The following KIR3DL2 variants were observed in gnomAD, a reference collection of about 807,000 sequenced individuals.
The protein encoded by KIR3DL2 is killer cell immunoglobulin like receptor, three Ig domains and long cytoplasmic tail 2, also known as killer cell immunoglobulin-like receptor 3DL2.
Under a neutral mutation model 41.6 loss-of-function variants are expected in KIR3DL2, and 42 were observed. The observed-to-expected ratio is 1.01, with a 90% CI of 0.79 to 1.31. The LOEUF is 1.31. KIR3DL2 is among the 50% of genes most tolerant of loss of function. The pLI is 0.00. For synonymous variants in KIR3DL2, 230 were observed against 221.3 expected, an observed-to-expected ratio of 1.04 and a Z score of -0.35; for missense variants, 728 against 576.8, an observed-to-expected ratio of 1.26 and a Z score of -2.68.
chr19:54,852,362 C>T, intron 3 of KIR3DL2, 80 bp downstream of exon 3: 9 of 1,557,594 alleles, frequency 5.8e-6, no homozygotes, highest in Non-Finnish European at 7.8e-6. Context: ...CCATCAGGGT[C>T]CCATCACCCA....
rs758625134 is a variant in KIR3DL2, at chr19:54,866,569, T to A, written c.1206T>A (p.Asp402Glu). ...DPQEVTYAQLDHCVFIQRKIS... is the reference protein window; with the variant it reads ...DPQEVTYAQLEHCVFIQRKIS... ...AGGAGGTGACGTACGCACAGTTGGATCACTGCGTTTTCATACAGAGAAAAA... is the reference window on the plus strand; with the variant it reads ...AGGAGGTGACGTACGCACAGTTGGAACACTGCGTTTTCATACAGAGAAAAA... The change falls in exon 9 of 9, where the codon GAT becomes GAA. Residue 402 changes from aspartate (D) to glutamate (E), a missense_variant. Transcript: ENST00000326321. The A allele has an allele frequency of 1.2e-6, 2 of 1,614,054 alleles. No individual in the cohort carries two copies. The highest frequency in any genetic ancestry group is 2.2e-5 in the South Asian group (2 of 91,086).
At chr19:54,862,851 T>A (rs1345460841) in intron 6 of KIR3DL2, among the ~76,000 whole-genome samples, 3 of 148,326 alleles carry the variant, frequency 2.0e-5, no homozygotes, top group Non-Finnish European at 4.5e-5. Context: ...GAGCTTTTTT[T>A]TAAAATTTTT....
intron 3 of KIR3DL2, 33 bp downstream of exon 3, chr19:54,852,315 C>T (rs1024908414): frequency 6.3e-7 from 1 of 1,594,422 alleles, no homozygotes; most frequent in Non-Finnish European, 8.5e-7. Flanking sequence ...TTCTCACTGT[C>T]CCACCTCCTG....
At chr19:54,850,531 A>T in intron 1 of KIR3DL2, 22 bp downstream of exon 1, 1 of 1,608,506 alleles carries the variant, frequency 6.2e-7, no homozygotes, top group Non-Finnish European at 8.5e-7. Context: ...AAGGGAATAG[A>T]GGGAGGGAGA....
At position 54,852,045 on chromosome 19, in the gene KIR3DL2, C is replaced by T; in HGVS notation, c.118C>T (p.Pro40Ser). 6 of 1,611,982 alleles carry T rather than the reference C, an allele frequency of 3.7e-6. No individual in the cohort carries two copies. The highest frequency in any genetic ancestry group is 4.2e-6 in the Non-Finnish European group (5 of 1,179,002). The change falls in exon 3 of 9, where the codon CCT (proline) becomes TCT (serine). Residue 40 changes from proline to serine, a missense_variant. Pro to Ser is a moderately conservative substitution (Grantham distance 74). Transcript: ENST00000326321. The stretch of plus-strand genomic sequence containing the variant: ...GTCTGCCCGGCCCAGCACTGTGGTG[C>T]CTCGAGGAGGACACGTGGCTCTTCA... ...FLSARPSTVV[P>S]RGGHVALQCH... is the part of the protein sequence containing the mutation.
intron 6 of KIR3DL2, among the ~76,000 whole-genome samples, chr19:54,865,369 A>G (rs1214767819): frequency 2.0e-5 from 3 of 151,838 alleles, no homozygotes; most frequent in Non-Finnish European, 4.4e-5. Context: ...ACATGGCAAG[A>G]GAGGGAGCAA....
chr19:54,866,327 G>C, intron 7 of KIR3DL2, 43 bp from the exon 8 acceptor site: 1 of 1,608,000 alleles, frequency 6.2e-7, no homozygotes, highest in Non-Finnish European at 8.5e-7. Flanking sequence ...TGAGGACCCA[G>C]AAGGGCCCTC....
chr19:54,855,001 G>C (rs1210539093), intron 4 of KIR3DL2, among the ~76,000 whole-genome samples: 1 of 151,070 alleles, frequency 6.6e-6, no homozygotes, highest in African/African-American at 2.5e-5. Context: ...TAATGGATAG[G>C]TTATAGATAC....
chr19:54,853,886 A>G lies in KIR3DL2; in HGVS notation c.495A>G (p.Ser165=), dbSNP rs1433557527. 6.9e-5 allele frequency: 111 copies of G among 1,613,274 alleles called. 2 individuals carry two copies. The East Asian group carries it at 2.2e-3, about 31-fold the overall frequency. ...LHREGISEDP[S]RLVGQIHDGV... is the part of the protein sequence containing the mutation. The stretch of plus-strand genomic sequence containing the variant: ...GAGAGGGGATCTCTGAGGACCCCTC[A>G]CGCCTCGTTGGACAGATCCATGATG... Residue 165 remains serine, a synonymous_variant, in exon 4 of 9, where the codon TCA becomes TCG. Transcript: ENST00000326321.
intron 3 of KIR3DL2, 60 bp from the exon 4 acceptor site, chr19:54,853,687 G>C: frequency 6.4e-7 from 1 of 1,567,438 alleles, no homozygotes; most frequent in East Asian, 2.3e-5. Flanking sequence ...ACTCATTCCA[G>C]GTGCCATGGA....
chr19:54,861,542 T>C (rs1485927326), intron 6 of KIR3DL2, among the ~76,000 whole-genome samples: 2 of 151,320 alleles, frequency 1.3e-5, no homozygotes, highest in Non-Finnish European at 2.9e-5. Flanking sequence ...CCAGCTACTC[T>C]GGAGGAGGAA....
intron 6 of KIR3DL2, among the ~76,000 whole-genome samples, chr19:54,865,382 G>A (rs546742498): frequency 6.6e-6 from 1 of 152,074 alleles, no homozygotes; most frequent in African/African-American, 2.4e-5. Flanking sequence ...GGGAGCAAGG[G>A]GGAGGGCGAG....
At chr19:54,851,643 G>A (rs1429231042) in intron 2 of KIR3DL2, among the ~76,000 whole-genome samples, 1 of 151,676 alleles carries the variant, frequency 6.6e-6, no homozygotes. Flanking sequence ...GGAAACCACA[G>A]CCATGGCCCT....
At chr19:54,862,720 G>A in intron 6 of KIR3DL2, among the ~76,000 whole-genome samples, 1 of 150,682 alleles carries the variant, frequency 6.6e-6, no homozygotes, top group Non-Finnish European at 1.5e-5. Context: ...AGGCTGTTCT[G>A]AGACGTTCCT....
intron 1 of KIR3DL2, 68 bp from the exon 2 acceptor site, chr19:54,851,152 G>C (rs1371050741): frequency 1.6e-5 from 26 of 1,578,424 alleles, no homozygotes; most frequent in African/African-American, 2.7e-5. Context: ...GACACACAGT[G>C]CAGTGGGGGC....
In KIR3DL2 at chr19:54,855,872, G is replaced by A; in HGVS notation, c.909G>A (p.Val303=). Residue 303 remains valine (V), a synonymous_variant, in exon 5 of 9, where the codon GTG becomes GTA. Coordinates refer to ENST00000326321, the MANE Select transcript of KIR3DL2 (RefSeq NM_006737.4). ...GCTCTTTCCGTGCCCTGCCCTGCGT[G>A]TGGTCAAACTCAAGTGACCCACTGC... is the stretch of plus-strand genomic sequence containing the variant. ...CFGSFRALPC[V]WSNSSDPLLV... 6.2e-7 allele frequency: 1 copy of A among 1,613,590 alleles called. No homozygotes were observed. The highest frequency in any genetic ancestry group is 1.1e-5 in the South Asian group (1 of 91,090).
At chr19:54,865,070 G>C (rs534718773) in intron 6 of KIR3DL2, among the ~76,000 whole-genome samples, 12 of 152,020 alleles carry the variant, frequency 7.9e-5, no homozygotes, top group African/African-American at 1.2e-4. Context: ...AGCATGAAGC[G>C]TTGTTGAATT....
chr19:54,850,593 A>G, intron 1 of KIR3DL2, 84 bp downstream of exon 1: 1 of 1,567,088 alleles, frequency 6.4e-7, no homozygotes. Context: ...TGGAGTGGAG[A>G]TATGGGCCTG....
chr19:54,851,985 C>T lies in KIR3DL2; in HGVS notation c.71-13C>T, dbSNP rs1189841115. 1.9e-6 allele frequency: 3 copies of T among 1,607,372 alleles called. No individual in the cohort carries two copies. Among genetic ancestry groups the T allele is most frequent in the Non-Finnish European group, 1.7e-6 (2 of 1,176,250 alleles). On this transcript the variant is annotated splice_polypyrimidine_tract_variant and intron_variant, in intron 2 of 8. Transcript: ENST00000326321. Reference sequence around the variant, plus strand: ...CATCCTCCTCTCTAAGGCAGTGCCTCCTTCTCCCCCAGGTGGTCAGGACAA... The same window carrying T: ...CATCCTCCTCTCTAAGGCAGTGCCTTCTTCTCCCCCAGGTGGTCAGGACAA...
Sources: allele counts gnomAD v4.1 joint callset (sites outside exome capture counted in the v4.1 genomes callset), GRCh38; gene constraint gnomAD v4.1.1; transcripts MANE v1.5; gene names NCBI Gene and HGNC (gene_info 2026-07-23, HGNC 2026-07-21).